The following FAM186B variants were observed in gnomAD, a reference collection of about 807,000 sequenced individuals.
The protein encoded by FAM186B is family with sequence similarity 186 member B, also known as protein FAM186B.
A neutral mutation model predicts 83.4 loss-of-function variants in FAM186B; 68 were observed. The observed-to-expected ratio is 0.81, with a 90% CI of 0.67 to 1.00. The LOEUF is 1.00. Ranked by LOEUF, FAM186B falls within the 50% of genes least tolerant of loss-of-function variation. The pLI is 0.00. For missense variants in FAM186B, 983 were observed against 1,099.2 expected, an observed-to-expected ratio of 0.89 and a Z score of 1.49; for synonymous variants, 389 against 422.0, an observed-to-expected ratio of 0.92 and a Z score of 0.96.
chr12:49,590,863 A>G (rs927947124), intron 5 of FAM186B, among the ~76,000 whole-genome samples: 2 of 152,192 alleles, frequency 1.3e-5, no homozygotes, highest in African/African-American at 4.8e-5. Context: ...AAATTGAATA[A>G]ATAAAAAGTA....
chr12:49,585,180 G>A (rs546142245), downstream of FAM186B, among the ~76,000 whole-genome samples: 14 of 152,116 alleles, frequency 9.2e-5, 1 homozygote, highest in South Asian at 1.7e-3. Context: ...CACCATGCCC[G>A]GCTAATTTTT....
chr12:49,602,988 G>A (rs760926989), intron 3 of FAM186B, among the ~76,000 whole-genome samples, 197 bp downstream of exon 3: 3 of 152,148 alleles, frequency 2.0e-5, no homozygotes, highest in African/African-American at 4.8e-5. Flanking sequence ...CTCCCTTAGC[G>A]CTGAAGGACA....
At position 49,603,348 on chromosome 12, in the gene FAM186B, C is replaced by A. The variant is rs1365221822; in HGVS notation, c.342G>T (p.Glu114Asp). 3 of 1,614,194 alleles carry A rather than the reference C, an allele frequency of 1.9e-6. No individual in the cohort carries two copies. The highest frequency in any genetic ancestry group is 2.5e-6 in the Non-Finnish European group (3 of 1,180,042). ...CCTCTTCACTCTTCCTGGGCCCAAT[C>A]TCATAGGTCAGAGTGTCACCTGGAG... ...LGDWGDTLTY[E>D]IGPRKSEEEA... The change falls in exon 3 of 7, where the codon GAG (glutamate) becomes GAT (aspartate). Residue 114 changes from glutamate (E) to aspartate (D), a missense_variant. Transcript: ENST00000257894.
At chr12:49,592,372 T>C (rs972997861) in intron 5 of FAM186B, among the ~76,000 whole-genome samples, 4 of 152,104 alleles carry the variant, frequency 2.6e-5, no homozygotes, top group Non-Finnish European at 5.9e-5. Context: ...CTCAGGTGGC[T>C]GAGGCAGGAG....
chr12:49,608,491 C>CA (rs546459596), upstream of FAM186B, among the ~76,000 whole-genome samples: 724 of 80,768 alleles, frequency 9.0e-3, no homozygotes, highest in Non-Finnish European at 0.011. Flanking sequence ...ACTCCGTCTC[C>CA]AAAAAAAAAA....
In FAM186B at chr12:49,600,425, G is replaced by A. The variant is rs756105610; in HGVS notation, c.1215C>T (p.Phe405=). ...MTVRSRVADV[F]GSKDTESLEP... is the part of the protein sequence containing the mutation. ...CAAGGCTCTCAGTGTCCTTGCTGCC[G>A]AACACATCTGCGACCCTCGAGCGCA... The change falls in exon 4 of 7, where the codon TTC becomes TTT. Residue 405 remains phenylalanine (F), a synonymous_variant. Coordinates refer to ENST00000257894, the MANE Select transcript of FAM186B (RefSeq NM_032130.3). This position sits in a 1 kb window ranked among gnomAD's most constrained non-coding sequence, Gnocchi z 4.3. 7.4e-6 allele frequency: 12 copies of A among 1,613,640 alleles called. No individual in the cohort carries two copies. Among genetic ancestry groups the A allele is most frequent in the Admixed American group, 1.7e-5 (1 of 59,988 alleles).
At chr12:49,585,636 T>G (rs542171931), downstream of FAM186B, among the ~76,000 whole-genome samples, 7 of 152,134 alleles carry the variant, frequency 4.6e-5, no homozygotes, top group African/African-American at 1.7e-4. Context: ...AGGCCGTCAG[T>G]GCTAGGCAGA....
chr12:49,614,219 G>A, the FAM186B span, among the ~76,000 whole-genome samples: 9 of 151,512 alleles, frequency 5.9e-5, no homozygotes, highest in East Asian at 1.9e-4. Context: ...CCCATTACTC[G>A]GTATACACCC....
intron 3 of FAM186B, 140 bp from the exon 4 acceptor site, chr12:49,601,274 C>A: frequency 8.4e-7 from 1 of 1,189,618 alleles, no homozygotes; most frequent in Non-Finnish European, 1.1e-6. Context: ...GTATATGGGG[C>A]CAGGGACAGT....
the FAM186B span, chr12:49,619,532 C>A: frequency 1.4e-6 from 1 of 700,036 alleles, no homozygotes; most frequent in East Asian, 2.7e-5. Context: ...TGTGGCAGCC[C>A]AAGGCTTTGT....
chr12:49,587,483 G>T, downstream of FAM186B: 1 of 1,380,186 alleles, frequency 7.2e-7, no homozygotes, highest in Non-Finnish European at 1.0e-6. Flanking sequence ...TATCTGGTGT[G>T]GGATAGCAAA....
At chr12:49,621,971 C>G in the FAM186B span, among the ~76,000 whole-genome samples, 1 of 152,162 alleles carries the variant, frequency 6.6e-6, no homozygotes, top group Non-Finnish European at 1.5e-5. Flanking sequence ...AAATCTGGTA[C>G]AATTATTCGA....
At position 49,598,145 on chromosome 12, in the gene FAM186B, A is replaced by C. The variant is rs188027838; in HGVS notation, c.2364+610T>G. Among the ~76,000 whole-genome samples, 520 of 152,374 alleles carry C rather than the reference A, an allele frequency of 3.4e-3. 1 individual carries two copies. Among genetic ancestry groups the C allele is most frequent in the Non-Finnish European group, 4.2e-3 (284 of 68,042 alleles). On this transcript the variant is annotated intron_variant, in intron 5 of 6. Transcript: ENST00000257894. ...CCAAGCAAACAGTCAATTAAGAGTG[A>C]GGATAGATATTAAGTAAAGACATTT...
the FAM186B span, among the ~76,000 whole-genome samples, chr12:49,614,686 A>G: frequency 6.6e-6 from 1 of 152,176 alleles, no homozygotes; most frequent in Non-Finnish European, 1.5e-5. Context: ...CATTCACGCA[A>G]TATACCCATG....
chr12:49,593,469 A>T (rs1174151396), intron 5 of FAM186B, among the ~76,000 whole-genome samples: 1 of 149,956 alleles, frequency 6.7e-6, no homozygotes, highest in Non-Finnish European at 1.5e-5. Context: ...CCCCGTCTCT[A>T]CTAAAAATAC....
the FAM186B span, among the ~76,000 whole-genome samples, chr12:49,614,227 C>T: frequency 6.6e-6 from 1 of 152,082 alleles, no homozygotes; most frequent in East Asian, 1.9e-4. Flanking sequence ...TCGGTATACA[C>T]CCAAAAGAAA....
downstream of FAM186B, chr12:49,583,448 T>TCCAGAAAA (rs1939377584): frequency 1.0e-5 from 2 of 193,706 alleles, no homozygotes. Flanking sequence ...GGGTGAGGCC[T>TCCAGAAAA]CCAGAAAAGA....
intron 5 of FAM186B, among the ~76,000 whole-genome samples, chr12:49,596,510 C>T (rs931700589): frequency 6.6e-6 from 1 of 151,712 alleles, no homozygotes; most frequent in African/African-American, 2.4e-5. Context: ...ATAAAAATGG[C>T]CAACAAGTAT....
chr12:49,584,651 C>T (rs1168466108), downstream of FAM186B: 3 of 702,068 alleles, frequency 4.3e-6, no homozygotes, highest in Non-Finnish European at 7.8e-6. Context: ...GGGGGAGTAA[C>T]TGAGACAAGG....
Sources: gnomAD v4.1 joint callset for allele counts (sites outside exome capture counted in the v4.1 genomes callset) on GRCh38, gnomAD v4.1.1 for gene constraint, Gnocchi (gnomAD v3.1) non-coding constraint, MANE v1.5 for transcripts, NCBI Gene and HGNC (gene_info 2026-07-23, HGNC 2026-07-21) for gene names.